The following ADCY5 variants were observed in gnomAD, a reference collection of about 807,000 sequenced individuals.
The protein encoded by ADCY5 is adenylate cyclase 5.
In ADCY5, 30 loss-of-function variants were observed where a neutral mutation model predicts 119.7. The ratio of observed to expected loss-of-function variants is 0.25; its 90% CI spans 0.19 to 0.34. ADCY5 has a LOEUF of 0.34. Among genes scored for constraint, ADCY5 ranks in the 10% least tolerant of loss-of-function variants. The pLI is 1.00. For synonymous variants in ADCY5, 753 were observed against 762.2 expected, an observed-to-expected ratio of 0.99 and a Z score of 0.20; for missense variants, 1,324 against 1,775.2, an observed-to-expected ratio of 0.75 and a Z score of 4.57.
At chr3:123,412,523 C>T (rs1009712891) in intron 1 of ADCY5, among the ~76,000 whole-genome samples, 7 of 152,188 alleles carry the variant, frequency 4.6e-5, no homozygotes, top group Non-Finnish European at 1.0e-4. Context: ...ACAGCAGTTA[C>T]AGCACTGACA....
At chr3:123,398,257 C>T (rs1372623186) in intron 1 of ADCY5, among the ~76,000 whole-genome samples, 1 of 152,126 alleles carries the variant, frequency 6.6e-6, no homozygotes, top group South Asian at 2.1e-4. Context: ...AAGTGCTCCC[C>T]CTGCCCCTCT....
intron 1 of ADCY5, among the ~76,000 whole-genome samples, chr3:123,438,927 T>A (rs543204529): frequency 6.6e-6 from 1 of 151,798 alleles, no homozygotes; most frequent in Non-Finnish European, 1.5e-5. Context: ...TTTTAAAAAA[T>A]TTTTTGTAGA....
chr3:123,343,078 G>A (rs1278665472), intron 3 of ADCY5, among the ~76,000 whole-genome samples: 1 of 152,236 alleles, frequency 6.6e-6, no homozygotes, highest in Non-Finnish European at 1.5e-5. Context: ...CAATAGAGCA[G>A]TACGTTGTCT....
chr3:123,440,970 T>G (rs1248456817), intron 1 of ADCY5, among the ~76,000 whole-genome samples: 1 of 152,176 alleles, frequency 6.6e-6, no homozygotes, highest in Non-Finnish European at 1.5e-5. Flanking sequence ...TGCCTCCCAA[T>G]AAGTCTGCAT....
At chr3:123,430,154 C>G (rs1335778519) in intron 1 of ADCY5, among the ~76,000 whole-genome samples, 1 of 152,214 alleles carries the variant, frequency 6.6e-6, no homozygotes, top group Non-Finnish European at 1.5e-5. Flanking sequence ...ATGAGCATTC[C>G]ATATCTTTCA....
At chr3:123,331,433 G>T (rs1176432023) in intron 4 of ADCY5, among the ~76,000 whole-genome samples, 1 of 152,238 alleles carries the variant, frequency 6.6e-6, no homozygotes, top group Non-Finnish European at 1.5e-5. Flanking sequence ...CGTTGCTTGA[G>T]ATTCTATCAA....
chr3:123,296,467 AC>A (rs1939519904), intron 16 of ADCY5, among the ~76,000 whole-genome samples: 1 of 151,974 alleles, frequency 6.6e-6, no homozygotes, highest in Admixed American at 6.5e-5. Context: ...ACGCCTTACA[AC>A]CCCCCATCAC....
rs1237217761 is a variant in ADCY5 at position 123,448,486 on chromosome 3, C to A, written c.60G>T (p.Pro20=). The A allele has an allele frequency of 7.9e-7, 1 of 1,267,316 alleles. No homozygotes were observed. The highest frequency in any genetic ancestry group is 2.8e-5 in the South Asian group (1 of 35,956). The allele number at this position is 1,267,316 out of a possible 1,614,324, so 78.5% of individuals were successfully genotyped here. ...GGTGTTCGGGGCCTCCCCGGGGCGC[C>A]GGCGCCGCAGTCTTCTGCGCCGCGT... ...PGYAAQKTAA[P]APRGGPEHRS... Residue 20 remains proline, a synonymous_variant, in exon 1 of 21, where the codon CCG becomes CCT. Coordinates refer to ENST00000462833, the MANE Select transcript of ADCY5 (RefSeq NM_183357.3).
At chr3:123,328,282 C>T (rs1392492770) in intron 6 of ADCY5, among the ~76,000 whole-genome samples, 1 of 152,192 alleles carries the variant, frequency 6.6e-6, no homozygotes, top group Non-Finnish European at 1.5e-5. Flanking sequence ...CCTTCCTCAC[C>T]CCTCCCAGTC....
intron 1 of ADCY5, among the ~76,000 whole-genome samples, chr3:123,431,666 G>C (rs1433299608): frequency 6.6e-6 from 1 of 152,086 alleles, no homozygotes; most frequent in Non-Finnish European, 1.5e-5. Flanking sequence ...GCCACATTTG[G>C]GGTTAATTGC....
At chr3:123,295,092 G>A (rs6438787) in intron 17 of ADCY5, among the ~76,000 whole-genome samples, 150,246 of 152,314 alleles carry the variant, frequency 0.99, 74,131 homozygotes, top group East Asian at 1. Context: ...GCAGACCTCC[G>A]TGCTCAATTC....
At chr3:123,373,138 G>C (rs1943693779) in intron 1 of ADCY5, among the ~76,000 whole-genome samples, 1 of 152,226 alleles carries the variant, frequency 6.6e-6, no homozygotes, top group Non-Finnish European at 1.5e-5. Context: ...ACAGCACCTA[G>C]CATGCAGCAG....
intron 8 of ADCY5, among the ~76,000 whole-genome samples, chr3:123,322,698 C>G (rs1407992753): frequency 6.6e-6 from 1 of 152,216 alleles, no homozygotes; most frequent in African/African-American, 2.4e-5. Context: ...GTGAGAGGAG[C>G]TCAAGCCCAC....
intron 8 of ADCY5, among the ~76,000 whole-genome samples, chr3:123,324,357 G>A (rs1478781995): frequency 6.7e-6 from 1 of 150,350 alleles, no homozygotes; most frequent in Admixed American, 6.6e-5. Flanking sequence ...CAAACTTGGA[G>A]CTACTTGTGC....
chr3:123,389,912 T>TGG (rs5852334), intron 1 of ADCY5, among the ~76,000 whole-genome samples: 6 of 151,988 alleles, frequency 3.9e-5, no homozygotes, highest in Middle Eastern at 3.4e-3. Flanking sequence ...CTTAGCTCTA[T>TGG]GGGGGGCTAC....
chr3:123,412,301 A>T (rs1219852078), intron 1 of ADCY5, among the ~76,000 whole-genome samples: 1 of 152,218 alleles, frequency 6.6e-6, no homozygotes, highest in Non-Finnish European at 1.5e-5. Flanking sequence ...TCGCCCCAAC[A>T]GGAGACAGGG....
intron 8 of ADCY5, among the ~76,000 whole-genome samples, chr3:123,323,624 GCT>G (rs1462811735): frequency 4.0e-5 from 6 of 151,288 alleles, no homozygotes; most frequent in Admixed American, 1.3e-4. Context: ...TGCTGTCCCT[GCT>G]CTCAGTCCTT....
At position 123,300,420 on chromosome 3, in the gene ADCY5, A is replaced by G. The variant is rs1029180508; in HGVS notation, c.2725-125T>C. ...GGGCTGGGCATGTTTCTGCTGATGTAAATTTCCCAACAGGTGTGATATAAA... is the reference window on the plus strand; with the variant it reads ...GGGCTGGGCATGTTTCTGCTGATGTGAATTTCCCAACAGGTGTGATATAAA... On this transcript the variant is annotated intron_variant, in intron 14 of 20. Coordinates refer to ENST00000462833, the MANE Select transcript of ADCY5 (RefSeq NM_183357.3). The G allele has an allele frequency of 1.3e-5, 14 of 1,116,360 alleles. No individual in the cohort carries two copies. The African/African-American group carries it at 1.9e-4, about 15-fold the overall frequency. The allele number at this position is 1,116,360 out of a possible 1,614,324, so 69.2% of individuals were successfully genotyped here. A position where few individuals can be genotyped will look rare whatever the true frequency, so the allele number is the denominator to read the frequency against.
At chr3:123,372,985 G>A (rs377014979) in intron 1 of ADCY5, among the ~76,000 whole-genome samples, 3 of 152,130 alleles carry the variant, frequency 2.0e-5, no homozygotes, top group South Asian at 2.1e-4. Flanking sequence ...GGGATACTGC[G>A]AGAGGTGGCA....
Sources: gnomAD v4.1 joint callset for allele counts (sites outside exome capture counted in the v4.1 genomes callset) on GRCh38, gnomAD v4.1.1 for gene constraint, MANE v1.5 for transcripts, NCBI Gene and HGNC (gene_info 2026-07-23, HGNC 2026-07-21) for gene names.